SFSWAP: variants seen among roughly 807,000 people sequenced by gnomAD.
SFSWAP encodes the protein splicing factor SWAP, also known as splicing factor, suppressor of white-apricot homolog.
SFSWAP carries 17 observed loss-of-function variants against 100.7 expected under a neutral mutation model. The ratio of observed to expected loss-of-function variants is 0.17; its 90% CI spans 0.12 to 0.25. The LOEUF (loss-of-function observed/expected upper bound fraction) is 0.25, where lower values mean the gene tolerates loss of function less well. SFSWAP is among the 10% of genes least tolerant of loss of function. SFSWAP has a pLI of 1.00. For synonymous variants in SFSWAP, 504 were observed against 510.1 expected (o/e 0.99, Z 0.16); for missense variants, 1,005 against 1,262.6 (o/e 0.80, Z 3.09).
chr12:131,756,619 C>G lies in SFSWAP; in HGVS notation c.1695C>G (p.Thr565=). The G allele has an allele frequency of 1.2e-6, 2 of 1,601,046 alleles. No homozygotes were observed. The highest frequency in any genetic ancestry group is 1.7e-6 in the Non-Finnish European group (2 of 1,174,730). ...AGAAGGAGGCATCGTCCAGTAAGAC[C>G]GTCCCGGACGGGAAGCTGGTGAAAG... ...GGKKEASSSK[T]VPDGKLVKAS... Residue 565 remains threonine, a synonymous_variant, in exon 11 of 18, where the codon ACC becomes ACG. Transcript: ENST00000261674.
intron 3 of SFSWAP, among the ~76,000 whole-genome samples, chr12:131,717,993 A>C (rs1321178954): frequency 6.6e-6 from 1 of 152,216 alleles, no homozygotes; most frequent in East Asian, 1.9e-4. Flanking sequence ...GGCCTCCCAA[A>C]GTGCTGGGAT....
In SFSWAP at chr12:131,786,575, C is replaced by T. The variant is rs1220037780; in HGVS notation, c.2521C>T (p.Arg841Trp). Residue 841 changes from arginine to tryptophan, a missense_variant, in exon 15 of 18, where the codon CGG becomes TGG. Arg to Trp is a moderately radical substitution (Grantham distance 101). Coordinates refer to ENST00000261674, the MANE Select transcript of SFSWAP (RefSeq NM_004592.4). The stretch of plus-strand genomic sequence containing the variant: ...CCGCAGCCCTGGGGCCAGTAGGAAG[C>T]GGACCCGCTCCAGGTAGGCCACTGG... Reference protein sequence around the residue: ...VSRSPGASRKRTRSRSPHEKK... With the variant: ...VSRSPGASRKWTRSRSPHEKK... 2 of 1,589,032 alleles carry T rather than the reference C, an allele frequency of 1.3e-6. No homozygotes were observed. The highest frequency in any genetic ancestry group is 2.7e-5 in the African/African-American group (2 of 74,654).
chr12:131,784,162 G>A (rs1056699366), intron 14 of SFSWAP: 3 of 152,162 alleles, frequency 2.0e-5, no homozygotes, highest in African/African-American at 7.2e-5. Flanking sequence ...GCCAAACACA[G>A]ATAAGACCAG....
intron 11 of SFSWAP, among the ~76,000 whole-genome samples, chr12:131,760,670 A>C (rs919045899): frequency 1.3e-5 from 2 of 152,226 alleles, no homozygotes; most frequent in African/African-American, 4.8e-5. Flanking sequence ...AAATTAAAAA[A>C]AAACTTGGAA....
intron 13 of SFSWAP, 34 bp downstream of exon 13, chr12:131,766,342 CTG>C: frequency 6.3e-7 from 1 of 1,582,248 alleles, no homozygotes; most frequent in Non-Finnish European, 8.7e-7. Flanking sequence ...ATCTGCGGGG[CTG>C]TGTGATACAT....
At chr12:131,755,323 C>A in intron 9 of SFSWAP, 63 bp from the exon 10 acceptor site, 1 of 1,115,162 alleles carries the variant, frequency 9.0e-7, no homozygotes, top group Non-Finnish European at 1.4e-6. Context: ...GAGAACAGGG[C>A]CTGTTGTTAC....
chr12:131,753,169 C>T lies in SFSWAP; in HGVS notation c.1128C>T (p.Gly376=). The T allele has an allele frequency of 6.2e-7, 1 of 1,614,172 alleles. No individual in the cohort carries two copies. The highest frequency in any genetic ancestry group is 8.5e-7 in the Non-Finnish European group (1 of 1,180,016). Residue 376 remains glycine (G), a synonymous_variant, in exon 8 of 18, where the codon GGC becomes GGT. Transcript: ENST00000261674. ...ACAGCTACTACATGCTACCGGACGG[C>T]ACTTACTGCCTGGCGCCGCCCCCTC... ...MYYSYYMLPD[G]TYCLAPPPPG...
At chr12:131,755,272 G>A in intron 9 of SFSWAP, 114 bp from the exon 10 acceptor site, 1 of 737,486 alleles carries the variant, frequency 1.4e-6, no homozygotes, top group Non-Finnish European at 2.3e-6. Context: ...AGCTAAAACA[G>A]TAACCACCTT....
chr12:131,765,788 C>A (rs1883067984), intron 12 of SFSWAP, among the ~76,000 whole-genome samples: 1 of 146,334 alleles, frequency 6.8e-6, no homozygotes, highest in African/African-American at 2.5e-5. Flanking sequence ...AACTAACCAA[C>A]TGTCGGATCA....
chr12:131,761,508 G>A (rs1882677071), intron 11 of SFSWAP, among the ~76,000 whole-genome samples: 1 of 152,206 alleles, frequency 6.6e-6, no homozygotes, highest in African/African-American at 2.4e-5. Flanking sequence ...CTTGAAGAAT[G>A]TGAAAGGGAC....
At chr12:131,713,208 C>T (rs1257042745) in intron 1 of SFSWAP, 4 of 152,158 alleles carry the variant, frequency 2.6e-5, no homozygotes, top group Admixed American at 6.5e-5. Context: ...TTCACTAACT[C>T]ATTCATTTAT....
At chr12:131,753,515 A>G (rs1881866451) in intron 8 of SFSWAP, 152 bp downstream of exon 8, 1 of 1,048,910 alleles carries the variant, frequency 9.5e-7, no homozygotes, top group African/African-American at 1.6e-5. Flanking sequence ...CCCAAGTTAC[A>G]AAGTTGACAG....
intron 7 of SFSWAP, among the ~76,000 whole-genome samples, chr12:131,742,970 T>C (rs891988277): frequency 6.6e-6 from 1 of 152,188 alleles, no homozygotes; most frequent in African/African-American, 2.4e-5. Context: ...GCAAAGAGTT[T>C]GTGCAGAGAG....
intron 12 of SFSWAP, among the ~76,000 whole-genome samples, chr12:131,765,022 T>A (rs1386198055): frequency 6.6e-6 from 1 of 152,234 alleles, no homozygotes; most frequent in African/African-American, 2.4e-5. Flanking sequence ...GCTCAGCCTG[T>A]CTTCCCAGCT....
intron 1 of SFSWAP, chr12:131,713,192 G>C (rs1033743628): frequency 1.3e-5 from 2 of 152,052 alleles, no homozygotes; most frequent in African/African-American, 4.8e-5. Flanking sequence ...AGTGTTTTAA[G>C]TAAAGTTCAC....
Position 131,740,966 on chromosome 12 carries a change from C to CTTTTTTTTTTTTTTT in SFSWAP, c.1082-12147_1082-12133dup, listed in dbSNP as rs60047663. Among the ~76,000 whole-genome samples, 22 of 70,136 alleles carry CTTTTTTTTTTTTTTT rather than the reference C, an allele frequency of 3.1e-4. 1 individual carries two copies. Among genetic ancestry groups the CTTTTTTTTTTTTTTT allele is most frequent in the South Asian group, 6.8e-4 (1 of 1,470 alleles). 46.0% of individuals were successfully genotyped at this position (70,136 alleles called of 152,430 possible). A position where few individuals can be genotyped will look rare whatever the true frequency, so the allele number is the denominator to read the frequency against. ...TCATTTCTTTTTTTTTCTTTTTTTTCTTTTTTTTTTTTTTTTTTTTTTTTG... is the reference window on the plus strand; with the variant it reads ...TCATTTCTTTTTTTTTCTTTTTTTTCTTTTTTTTTTTTTTTTTTTTTTTTTTTTTTTTTTTTTTTG... On this transcript the variant is annotated intron_variant, in intron 7 of 17. Transcript: ENST00000261674.
At chr12:131,719,375 C>A in intron 3 of SFSWAP, 79 bp from the exon 4 acceptor site, 1 of 991,346 alleles carries the variant, frequency 1.0e-6, no homozygotes, top group South Asian at 1.3e-5. Context: ...CAGTCACATG[C>A]TTCCATCTTG....
At chr12:131,719,322 G>T in intron 3 of SFSWAP, 132 bp from the exon 4 acceptor site, 3 of 604,712 alleles carry the variant, frequency 5.0e-6, no homozygotes, top group African/African-American at 1.9e-5. Context: ...AGCTGAAGAT[G>T]GCTTCTAGGA....
chr12:131,750,277 C>G (rs561116524), intron 7 of SFSWAP, among the ~76,000 whole-genome samples: 1 of 152,330 alleles, frequency 6.6e-6, no homozygotes, highest in African/African-American at 2.4e-5. Context: ...GGGCTGCCTC[C>G]GAGCATGGCA....
Sources: gnomAD v4.1 joint callset for allele counts (sites outside exome capture counted in the v4.1 genomes callset) on GRCh38, gnomAD v4.1.1 for gene constraint, MANE v1.5 for transcripts, NCBI Gene and HGNC (gene_info 2026-07-23, HGNC 2026-07-21) for gene names.